NYAP2: variants seen among roughly 807,000 people sequenced by gnomAD.
NYAP2 encodes neuronal tyrosine-phosphorylated phosphoinositide-3-kinase adapter 2.
A neutral mutation model predicts 50.4 loss-of-function variants in NYAP2; 23 were observed. That is an observed-to-expected ratio of 0.46 (90% CI 0.33 to 0.65). The LOEUF is 0.65. Ranked by LOEUF, NYAP2 falls within the 30% of genes least tolerant of loss-of-function variation. The pLI is 0.02. For synonymous variants in NYAP2, 394 were observed against 365.2 expected (o/e 1.08, Z -0.90); for missense variants, 885 against 861.0 (o/e 1.03, Z -0.35).
At chr2:225,541,505 A>G (rs762736728) in intron 4 of NYAP2, among the ~76,000 whole-genome samples, 3 of 152,184 alleles carry the variant, frequency 2.0e-5, no homozygotes, top group Non-Finnish European at 2.9e-5. Context: ...ATTCTTCTGC[A>G]TATGGATATC....
At chr2:225,656,000 G>A (rs1371820964), downstream of NYAP2, among the ~76,000 whole-genome samples, 1 of 149,858 alleles carries the variant, frequency 6.7e-6, no homozygotes, top group Non-Finnish European at 1.5e-5. Flanking sequence ...TTTTTTTACA[G>A]CAGATTCTCA....
At chr2:225,505,698 T>C (rs1458589734) in intron 3 of NYAP2, among the ~76,000 whole-genome samples, 1 of 152,232 alleles carries the variant, frequency 6.6e-6, no homozygotes, top group Non-Finnish European at 1.5e-5. Flanking sequence ...CAGATTATTA[T>C]ACTGGTTCAT....
chr2:225,435,292 C>T (rs74872523), intron 3 of NYAP2, among the ~76,000 whole-genome samples: 161 of 152,096 alleles, frequency 1.1e-3, no homozygotes, highest in Non-Finnish European at 1.8e-3. Flanking sequence ...AGTAAAGAAT[C>T]GGGTAAGAAA....
At chr2:225,625,043 TAAAAAAAAAAAAA>T (rs386392796) in intron 5 of NYAP2, among the ~76,000 whole-genome samples, 2 of 69,630 alleles carry the variant, frequency 2.9e-5, no homozygotes, top group South Asian at 7.2e-4. Flanking sequence ...AACCCAAGCG[TAAAAAAAAAAAAA>T]AAAAAAAAAA....
intron 3 of NYAP2, among the ~76,000 whole-genome samples, chr2:225,512,852 T>TCTTTCTTTCTTTCTTC (rs1690852431): frequency 1.6e-5 from 2 of 123,572 alleles, no homozygotes; most frequent in Admixed American, 8.5e-5. Flanking sequence ...TTTCTTTCTT[T>TCTTTCTTTCTTTCTTC]CTTCCTTCCT....
chr2:225,691,439 C>A, the NYAP2 span, among the ~76,000 whole-genome samples: 1 of 152,064 alleles, frequency 6.6e-6, no homozygotes. Flanking sequence ...AATTCTTACT[C>A]ATGGACAGCA....
intron 4 of NYAP2, among the ~76,000 whole-genome samples, chr2:225,567,592 A>G (rs1205462686): frequency 1.3e-5 from 2 of 152,158 alleles, no homozygotes; most frequent in African/African-American, 4.8e-5. Context: ...AAAGAAAGAG[A>G]TGAAGCCCAA....
Position 225,400,658 on chromosome 2 carries a change from CT to C in NYAP2, c.-402del, listed in dbSNP as rs903504381. ...TGGGTAAAATCATTCAATTTCTTCC[CT>C]GCTGGACCTGGAAGGAGAGGGGCTG... On this transcript the variant is annotated 5_prime_UTR_variant, in exon 2 of 7. It removes the in-frame stop codon of an upstream open reading frame in the 5' UTR. Coordinates refer to ENST00000636099, the Ensembl canonical transcript of NYAP2. The C allele has an allele frequency of 6.6e-6, 1 of 152,100 alleles. No individual in the cohort carries two copies. 9.4% of individuals were successfully genotyped at this position (152,100 alleles called of 1,614,324 possible).
chr2:225,422,217 C>G (rs985956753), intron 3 of NYAP2, among the ~76,000 whole-genome samples: 1 of 151,986 alleles, frequency 6.6e-6, no homozygotes, highest in African/African-American at 2.4e-5. Flanking sequence ...AAAGAGAGAT[C>G]GGGAAGGGGG....
At chr2:225,581,895 T>A in intron 4 of NYAP2, 46 bp from the exon 5 acceptor site, 5 of 1,526,800 alleles carry the variant, frequency 3.3e-6, no homozygotes, top group Non-Finnish European at 4.4e-6. Flanking sequence ...TTTTGAAAAC[T>A]TTCCTATTAT....
At chr2:225,476,977 A>G (rs1690124421) in intron 3 of NYAP2, among the ~76,000 whole-genome samples, 1 of 152,076 alleles carries the variant, frequency 6.6e-6, no homozygotes, top group African/African-American at 2.4e-5. Flanking sequence ...TTTTTTGCTG[A>G]CCTGTATTAA....
chr2:225,433,042 A>G (rs1044155698), intron 3 of NYAP2, among the ~76,000 whole-genome samples: 4 of 152,232 alleles, frequency 2.6e-5, no homozygotes, highest in African/African-American at 9.7e-5. Context: ...TTAGCTCAGC[A>G]AGGAAATGAA....
chr2:225,404,780 G>T lies in NYAP2; in HGVS notation c.-18+3737G>T, dbSNP rs561812407. ...CTTTAACTTATATTAGAATGGTGAT[G>T]ATTCTAGATACAGTAATCTAAAAAC... On this transcript the variant is annotated intron_variant, in intron 2 of 6. Coordinates refer to ENST00000636099, the Ensembl canonical transcript of NYAP2. Among the ~76,000 whole-genome samples, 4 of 152,106 alleles carry T rather than the reference G, an allele frequency of 2.6e-5. No homozygotes were observed. In the South Asian group the frequency reaches 8.3e-4, roughly 32 times the overall value.
At chr2:225,669,707 T>C in the NYAP2 span, among the ~76,000 whole-genome samples, 1 of 152,188 alleles carries the variant, frequency 6.6e-6, no homozygotes, top group African/African-American at 2.4e-5. Context: ...ATTTTATTAA[T>C]ATTTAAAATG....
intron 3 of NYAP2, among the ~76,000 whole-genome samples, chr2:225,487,164 C>G (rs1690314742): frequency 6.6e-6 from 1 of 152,134 alleles, no homozygotes; most frequent in African/African-American, 2.4e-5. Flanking sequence ...CTGCTTTGCA[C>G]CAGGAGTCAG....
Position 225,648,351 on chromosome 2 carries a change from C to T in NYAP2, c.1829-3081C>T, listed in dbSNP as rs190607900. Among the ~76,000 whole-genome samples the T allele has an allele frequency of 1.9e-3, 292 of 151,840 alleles. 1 individual carries two copies. The highest frequency in any genetic ancestry group is 4.9e-3 in the African/African-American group (202 of 41,412). Reference sequence around the variant, plus strand: ...GAAGCAGTGGAAAATAGAGTGGATCCGATCAGATGGAGCCAGGTCACAGAG... The same window carrying T: ...GAAGCAGTGGAAAATAGAGTGGATCTGATCAGATGGAGCCAGGTCACAGAG... On this transcript the variant is annotated intron_variant, in intron 6 of 6. Transcript: ENST00000636099.
chr2:225,590,937 T>A (rs1692490745), intron 5 of NYAP2, among the ~76,000 whole-genome samples: 1 of 152,214 alleles, frequency 6.6e-6, no homozygotes. Flanking sequence ...ACTTCCTTCA[T>A]CAGAATTCCT....
At chr2:225,402,449 T>C (rs569769320) in intron 2 of NYAP2, among the ~76,000 whole-genome samples, 1 of 152,108 alleles carries the variant, frequency 6.6e-6, no homozygotes, top group African/African-American at 2.4e-5. Context: ...CTCCAAAAAG[T>C]ATCTCAGCCA....
intron 4 of NYAP2, among the ~76,000 whole-genome samples, chr2:225,542,241 C>T (rs1691487205): frequency 6.6e-6 from 1 of 151,998 alleles, no homozygotes; most frequent in African/African-American, 2.4e-5. Context: ...TCTTCCTTTC[C>T]AGTTGGATGC....
Sources: gnomAD v4.1 joint callset for allele counts (sites outside exome capture counted in the v4.1 genomes callset) on GRCh38, gnomAD v4.1.1 for gene constraint, MANE v1.5 for transcripts, NCBI Gene and HGNC (gene_info 2026-07-23, HGNC 2026-07-21) for gene names.